The following CYP24A1 variants were observed in gnomAD, a reference collection of about 807,000 sequenced individuals.
CYP24A1 encodes the protein 1,25-dihydroxyvitamin D(3) 24-hydroxylase, mitochondrial.
In CYP24A1, 68 loss-of-function variants were observed where a neutral mutation model predicts 62.4. The observed-to-expected ratio is 1.09, with a 90% confidence interval of 0.90 to 1.33. The LOEUF is 1.33. Ranked by LOEUF, CYP24A1 falls within the 40% of genes most tolerant of loss-of-function variation. The probability of loss-of-function intolerance (pLI) is 0.00; values close to 1 mark genes in which losing one functional copy is unlikely to be tolerated. For synonymous variants in CYP24A1, 267 were observed against 253.0 expected (o/e 1.06, Z -0.52); for missense variants, 787 against 653.0 (o/e 1.21, Z -2.24).
At chr20:54,156,567 T>C (rs528002393) in intron 11 of CYP24A1, among the ~76,000 whole-genome samples, 47 of 152,308 alleles carry the variant, frequency 3.1e-4, no homozygotes, top group Non-Finnish European at 6.3e-4. Flanking sequence ...TAGATCCTCC[T>C]CTAGAACCTC....
Position 54,173,918 on chromosome 20 carries a change from C to T in CYP24A1, c.-339G>A. On this transcript the variant is annotated 5_prime_UTR_variant, in exon 1 of 12. It introduces an in-frame stop codon into an upstream open reading frame of the 5' UTR. Transcript: ENST00000216862. The surrounding 1 kb of genome is among the most constrained non-coding windows in gnomAD (Gnocchi z 7.2). ...GCTGACCTCTAGGGTCTGGCTGGAG[C>T]CACGGGGAGGTGTCAAGGAGGGTAG... 2 of 398,012 alleles carry T rather than the reference C, an allele frequency of 5.0e-6. No individual in the cohort carries two copies. The highest frequency in any genetic ancestry group is 9.2e-6 in the Non-Finnish European group (2 of 216,884). The allele number at this position is 398,012 out of a possible 1,614,324, so 24.7% of individuals were successfully genotyped here.
intron 4 of CYP24A1, among the ~76,000 whole-genome samples, chr20:54,169,158 C>A (rs1372538303): frequency 2.0e-5 from 3 of 152,102 alleles, no homozygotes; most frequent in Non-Finnish European, 4.4e-5. Flanking sequence ...CCACCTCAGC[C>A]TCCCAAAGTC....
chr20:54,144,755 C>A, the CYP24A1 span, among the ~76,000 whole-genome samples: 1 of 151,204 alleles, frequency 6.6e-6, no homozygotes, highest in Non-Finnish European at 1.5e-5. Context: ...GTAGCCAGAC[C>A]TGTACATACT....
downstream of CYP24A1, among the ~76,000 whole-genome samples, chr20:54,149,000 C>T (rs887858670): frequency 6.6e-6 from 1 of 152,164 alleles, no homozygotes; most frequent in African/African-American, 2.4e-5. Context: ...CATTTCCTCC[C>T]CTTGTTCTTC....
intron 4 of CYP24A1, among the ~76,000 whole-genome samples, chr20:54,167,113 G>A (rs2762941): frequency 0.43 from 64,828 of 152,002 alleles, 14,302 homozygotes; most frequent in East Asian, 0.61. Context: ...TAAAGTAGGA[G>A]ACTAGCATTA....
Position 54,157,291 on chromosome 20 carries a change from T to C in CYP24A1, c.1435-2A>G. Reference sequence around the variant, plus strand: ...CTGGATGTCGTATTTGCGGACAATCTGTAATGCACACGCACACAAAAACAG... The same window carrying C: ...CTGGATGTCGTATTTGCGGACAATCCGTAATGCACACGCACACAAAAACAG... On this transcript the variant is annotated splice_acceptor_variant, in intron 10 of 11. Coordinates refer to ENST00000216862, the MANE Select transcript of CYP24A1 (RefSeq NM_000782.5). LOFTEE classifies it high-confidence loss of function. 6.3e-7 allele frequency: 1 copy of C among 1,584,036 alleles called. No individual in the cohort carries two copies. Among genetic ancestry groups the C allele is most frequent in the Admixed American group, 1.7e-5 (1 of 59,938 alleles).
intron 3 of CYP24A1, among the ~76,000 whole-genome samples, chr20:54,170,704 C>T (rs1348368277): frequency 6.6e-6 from 1 of 152,252 alleles, no homozygotes; most frequent in East Asian, 1.9e-4. Flanking sequence ...GCTGCTGTCC[C>T]TCCTGGGAGG....
downstream of CYP24A1, among the ~76,000 whole-genome samples, chr20:54,149,554 A>C (rs1568961237): frequency 6.6e-6 from 1 of 152,342 alleles, no homozygotes; most frequent in Non-Finnish European, 1.5e-5. Context: ...AAAAAAATGA[A>C]GGAGGAAATG....
At position 54,171,444 on chromosome 20, in the gene CYP24A1, AAG is replaced by A. The variant is rs1250161265; in HGVS notation, c.543+131_543+132del. On this transcript the variant is annotated intron_variant, in intron 3 of 11. Coordinates refer to ENST00000216862, the MANE Select transcript of CYP24A1 (RefSeq NM_000782.5). ...GAGGCTGTAGGAAGGAATGGAGAGA[AAG>A]AGAAGACCCCCACTTTGAATCACCC... is the stretch of plus-strand genomic sequence containing the variant. 3.8e-6 allele frequency: 6 copies of A among 1,566,764 alleles called. No individual in the cohort carries two copies. In the African/African-American group the frequency reaches 8.1e-5, roughly 21 times the overall value.
chr20:54,164,710 C>G lies in CYP24A1; in HGVS notation c.733-147G>C, dbSNP rs558065456. On this transcript the variant is annotated intron_variant, in intron 5 of 11. Transcript: ENST00000216862. ...AGGACACCCCCGGCTCTCTCTGCAC[C>G]GGTCCTGGGAGCAATGCCCGTACCC... The G allele has an allele frequency of 7.4e-6, 11 of 1,487,478 alleles. No individual in the cohort carries two copies. The Admixed American group carries it at 1.6e-4, about 21-fold the overall frequency. The allele number at this position is 1,487,478 out of a possible 1,614,324, so 92.1% of individuals were successfully genotyped here.
chr20:54,161,038 C>A (rs1446734713), intron 7 of CYP24A1, among the ~76,000 whole-genome samples: 1 of 152,232 alleles, frequency 6.6e-6, no homozygotes. Flanking sequence ...TCAGGTGATT[C>A]CCTTGCTTAA....
chr20:54,160,248 T>C (rs2092645401), intron 7 of CYP24A1, among the ~76,000 whole-genome samples: 2 of 152,256 alleles, frequency 1.3e-5, no homozygotes, highest in Non-Finnish European at 2.9e-5. Flanking sequence ...CCCTTTTAAG[T>C]GGCATCTTTT....
intron 4 of CYP24A1, among the ~76,000 whole-genome samples, chr20:54,167,687 C>T (rs1221360043): frequency 1.3e-5 from 2 of 152,060 alleles, no homozygotes; most frequent in Non-Finnish European, 2.9e-5. Flanking sequence ...GCAGGAGAAT[C>T]GCTTGAACCC....
rs1050146115 is a variant in CYP24A1, at chr20:54,173,227, C to T, written c.258+95G>A. The T allele has an allele frequency of 6.6e-6, 10 of 1,517,302 alleles. No homozygotes were observed. In the African/African-American group the frequency reaches 1.4e-4, roughly 21 times the overall value. The allele number at this position is 1,517,302 out of a possible 1,614,324, so 94.0% of individuals were successfully genotyped here. A position where few individuals can be genotyped will look rare whatever the true frequency, so the allele number is the denominator to read the frequency against. On this transcript the variant is annotated intron_variant, in intron 1 of 11. Coordinates refer to ENST00000216862, the MANE Select transcript of CYP24A1 (RefSeq NM_000782.5). The surrounding 1 kb of genome is among the most constrained non-coding windows in gnomAD (Gnocchi z 7.2). ...TCCCTGCCCAGACGCCGAAGCGCACCATGCGCCCGAGGCGCGCATGTCGGG... is the reference window on the plus strand; with the variant it reads ...TCCCTGCCCAGACGCCGAAGCGCACTATGCGCCCGAGGCGCGCATGTCGGG...
Position 54,173,659 on chromosome 20 carries a change from G to T in CYP24A1, c.-80C>A. ...TGGTACGAGGTGCTAGTGGGAGTCG[G>T]GGCTTAACGATTCTGGGAAAAGGAA... On this transcript the variant is annotated 5_prime_UTR_variant, in exon 1 of 12. Transcript: ENST00000216862. The surrounding 1 kb of genome is among the most constrained non-coding windows in gnomAD (Gnocchi z 7.2). 1 of 948,052 alleles carries T rather than the reference G, an allele frequency of 1.1e-6. No homozygotes were observed. Among genetic ancestry groups the T allele is most frequent in the South Asian group, 1.5e-5 (1 of 66,386 alleles). 58.7% of individuals were successfully genotyped at this position (948,052 alleles called of 1,614,324 possible). A position where few individuals can be genotyped will look rare whatever the true frequency, so the allele number is the denominator to read the frequency against.
intron 5 of CYP24A1, 127 bp downstream of exon 5, chr20:54,165,610 TTAAAA>T: frequency 2.8e-6 from 2 of 722,450 alleles, no homozygotes; most frequent in Non-Finnish European, 5.0e-6. Flanking sequence ...ATAATGCACA[TTAAAA>T]TGAACACTTA....
chr20:54,144,678 GAATT>G, the CYP24A1 span, among the ~76,000 whole-genome samples: 1 of 148,516 alleles, frequency 6.7e-6, no homozygotes, highest in Non-Finnish European at 1.5e-5. Flanking sequence ...ATATATTATA[GAATT>G]AATTATAGTA....
chr20:54,166,318 T>G (rs550794988), intron 4 of CYP24A1, among the ~76,000 whole-genome samples: 3 of 152,248 alleles, frequency 2.0e-5, no homozygotes, highest in African/African-American at 7.2e-5. Context: ...GGGTTTTTTT[T>G]CCTTCCATTT....
At chr20:54,172,127 C>T (rs1383118555) in intron 2 of CYP24A1, among the ~76,000 whole-genome samples, 1 of 152,126 alleles carries the variant, frequency 6.6e-6, no homozygotes, top group Non-Finnish European at 1.5e-5. Flanking sequence ...ATTTTGCCAT[C>T]GCCTCCAAAT....
Sources: allele counts gnomAD v4.1 joint callset (sites outside exome capture counted in the v4.1 genomes callset), GRCh38; gene constraint gnomAD v4.1.1; non-coding constraint Gnocchi (gnomAD v3.1); transcripts MANE v1.5; gene names NCBI Gene and HGNC (gene_info 2026-07-23, HGNC 2026-07-21).